DNM3: variants seen among roughly 807,000 people sequenced by gnomAD.
The protein encoded by DNM3 is dynamin 3.
A neutral mutation model predicts 101.6 loss-of-function variants in DNM3; 47 were observed. That is an observed-to-expected ratio of 0.46 (90% confidence interval 0.37 to 0.59). The LOEUF (loss-of-function observed/expected upper bound fraction) is 0.59, where lower values mean the gene tolerates loss of function less well. Among genes scored for constraint, DNM3 ranks in the 20% least tolerant of loss-of-function variants. The pLI is 0.00. For missense variants in DNM3, 849 were observed against 1,085.7 expected (o/e 0.78, Z 3.06); for synonymous variants, 385 against 387.9 (o/e 0.99, Z 0.09).
intron 20 of DNM3, among the ~76,000 whole-genome samples, chr1:172,396,028 A>G (rs1390722970): frequency 6.6e-6 from 1 of 152,208 alleles, no homozygotes; most frequent in Non-Finnish European, 1.5e-5. Context: ...GCCGCTAGGT[A>G]TTTGCGCCGT....
At position 171,983,656 on chromosome 1, in the gene DNM3, A is replaced by G. The variant is rs143133817; in HGVS notation, c.236-4000A>G. The stretch of plus-strand genomic sequence containing the variant: ...TCTCATCACTTACCTGACTTGAATG[A>G]CTACCAAATATATATCTCTCACTTG... On this transcript the variant is annotated intron_variant, in intron 2 of 20. Coordinates refer to ENST00000627582, the MANE Select transcript of DNM3 (RefSeq NM_015569.5). Among the ~76,000 whole-genome samples, 39 of 152,284 alleles carry G rather than the reference A, an allele frequency of 2.6e-4. No homozygotes were observed. The East Asian group carries it at 6.9e-3, about 27-fold the overall frequency.
rs1167649364 is a variant in DNM3 at position 172,215,913 on chromosome 1, GA to G, written c.1660-37656del. ...TTATAAAGCCTTGAGTTATTTTCTT[GA>G]AAATATCTGATAATTCAATTTATAA... On this transcript the variant is annotated intron_variant, in intron 14 of 20. Transcript: ENST00000627582. Among the ~76,000 whole-genome samples, 3 of 146,650 alleles carry G rather than the reference GA, an allele frequency of 2.0e-5. No individual in the cohort carries two copies. The East Asian group carries it at 6.1e-4, about 30-fold the overall frequency.
chr1:172,049,873 T>C (rs576141993), intron 10 of DNM3, among the ~76,000 whole-genome samples: 4 of 152,222 alleles, frequency 2.6e-5, no homozygotes, highest in Non-Finnish European at 4.4e-5. Flanking sequence ...AGAACAGATG[T>C]ACATAGTAGA....
At chr1:172,089,579 G>A (rs1460530012) in intron 12 of DNM3, among the ~76,000 whole-genome samples, 1 of 152,196 alleles carries the variant, frequency 6.6e-6, no homozygotes, top group East Asian at 1.9e-4. Flanking sequence ...GTAACTTCAA[G>A]TAGCTAAATA....
At chr1:171,915,614 A>G (rs1281584240) in intron 1 of DNM3, among the ~76,000 whole-genome samples, 1 of 152,198 alleles carries the variant, frequency 6.6e-6, no homozygotes, top group East Asian at 1.9e-4. Context: ...AAACATTTGG[A>G]TAGATTGTAA....
At chr1:172,395,280 C>T (rs892946444) in intron 20 of DNM3, among the ~76,000 whole-genome samples, 20 of 151,580 alleles carry the variant, frequency 1.3e-4, no homozygotes, top group African/African-American at 4.1e-4. Context: ...AAGCGATTCT[C>T]CTGCCTCAGC....
At chr1:172,213,517 C>CAAAAAAAAAAAAA (rs57339395) in intron 14 of DNM3, among the ~76,000 whole-genome samples, 2 of 79,392 alleles carry the variant, frequency 2.5e-5, no homozygotes, top group Admixed American at 1.5e-4. Context: ...TCCATTGTTA[C>CAAAAAAAAAAAAA]AAAAAAAAAA....
At chr1:171,894,525 C>T (rs1379231832) in intron 1 of DNM3, among the ~76,000 whole-genome samples, 1 of 152,118 alleles carries the variant, frequency 6.6e-6, no homozygotes, top group African/African-American at 2.4e-5. Context: ...CTGCCTCAGC[C>T]TCCTGAGTAG....
intron 17 of DNM3, among the ~76,000 whole-genome samples, chr1:172,344,663 T>C (rs1244964404): frequency 6.6e-6 from 1 of 152,236 alleles, no homozygotes; most frequent in African/African-American, 2.4e-5. Context: ...GGAGCCGAAC[T>C]GATGGCGCCA....
intron 2 of DNM3, among the ~76,000 whole-genome samples, chr1:171,955,900 G>C (rs2042822823): frequency 6.6e-6 from 1 of 152,176 alleles, no homozygotes; most frequent in Non-Finnish European, 1.5e-5. Context: ...GACAAGAGGA[G>C]AGAGGTTGTG....
intron 13 of DNM3, among the ~76,000 whole-genome samples, chr1:172,100,547 C>A (rs890007764): frequency 4.6e-5 from 7 of 152,294 alleles, no homozygotes; most frequent in African/African-American, 1.7e-4. Flanking sequence ...AGTCCTCTCG[C>A]CTTTCTCCGC....
intron 4 of DNM3, among the ~76,000 whole-genome samples, chr1:171,997,304 T>C (rs999327869): frequency 6.6e-6 from 1 of 152,168 alleles, no homozygotes; most frequent in African/African-American, 2.4e-5. Context: ...TGTTATGCAA[T>C]AAGCATAATT....
intron 17 of DNM3, among the ~76,000 whole-genome samples, chr1:172,367,128 G>A (rs1166109353): frequency 2.0e-5 from 3 of 151,528 alleles, no homozygotes; most frequent in African/African-American, 7.3e-5. Flanking sequence ...ACAGATAAGG[G>A]AATCCCCATT....
intron 6 of DNM3, among the ~76,000 whole-genome samples, chr1:172,036,590 A>G (rs1179911375): frequency 1.3e-5 from 2 of 152,186 alleles, no homozygotes; most frequent in Non-Finnish European, 2.9e-5. Context: ...CTGGCTAGCC[A>G]TAGGTAGAAA....
At chr1:172,008,944 T>A (rs990663610) in intron 4 of DNM3, among the ~76,000 whole-genome samples, 1 of 138,264 alleles carries the variant, frequency 7.2e-6, no homozygotes, top group Non-Finnish European at 1.5e-5. Flanking sequence ...TATTAATAAA[T>A]ATATTATATT....
At chr1:172,209,699 A>G (rs1483056081) in intron 14 of DNM3, among the ~76,000 whole-genome samples, 3 of 152,056 alleles carry the variant, frequency 2.0e-5, no homozygotes, top group Non-Finnish European at 4.4e-5. Flanking sequence ...AATGGCTTGT[A>G]AGCACATATA....
intron 13 of DNM3, among the ~76,000 whole-genome samples, chr1:172,098,178 C>T (rs1448934411): frequency 3.9e-5 from 6 of 152,052 alleles, no homozygotes; most frequent in East Asian, 1.9e-4. Flanking sequence ...AGCCTGGGAG[C>T]GATACGGGAG....
At chr1:172,297,335 A>G (rs1573348210) in intron 15 of DNM3, among the ~76,000 whole-genome samples, 1 of 151,916 alleles carries the variant, frequency 6.6e-6, no homozygotes, top group Admixed American at 6.6e-5. Context: ...AACCTCTTCT[A>G]TATTTGTGGT....
intron 2 of DNM3, among the ~76,000 whole-genome samples, chr1:171,947,045 T>A (rs918175566): frequency 1.3e-5 from 2 of 152,190 alleles, no homozygotes; most frequent in Non-Finnish European, 2.9e-5. Context: ...ACAAACGATA[T>A]GCAAACCATA....
Sources: gnomAD v4.1 joint callset for allele counts (sites outside exome capture counted in the v4.1 genomes callset) on GRCh38, gnomAD v4.1.1 for gene constraint, MANE v1.5 for transcripts, NCBI Gene and HGNC (gene_info 2026-07-23, HGNC 2026-07-21) for gene names.